Variants in PABPC4L observed in about 807,000 individuals in gnomAD.
The protein encoded by PABPC4L is poly(A) binding protein cytoplasmic 4 like.
For synonymous variants in PABPC4L, 169 were observed against 164.1 expected (o/e 1.03, Z -0.23); for missense variants, 452 against 451.4 (o/e 1.00, Z -0.01).
the PABPC4L span, among the ~76,000 whole-genome samples, chr4:134,185,130 T>C: frequency 6.6e-6 from 1 of 152,046 alleles, no homozygotes; most frequent in Non-Finnish European, 1.5e-5. Flanking sequence ...GACAATATAT[T>C]TTGTCAAGCA....
the PABPC4L span, among the ~76,000 whole-genome samples, chr4:134,002,375 T>C: frequency 6.6e-6 from 1 of 151,898 alleles, no homozygotes; most frequent in Non-Finnish European, 1.5e-5. Context: ...ATCATTTTTA[T>C]CTTCAAGCAT....
At chr4:133,966,344 T>C in the PABPC4L span, among the ~76,000 whole-genome samples, 6 of 152,150 alleles carry the variant, frequency 3.9e-5, no homozygotes, top group Non-Finnish European at 7.4e-5. Flanking sequence ...GGAACACTTC[T>C]ACACTGTTCA....
At chr4:134,112,841 T>G in the PABPC4L span, among the ~76,000 whole-genome samples, 1 of 151,894 alleles carries the variant, frequency 6.6e-6, no homozygotes, top group Non-Finnish European at 1.5e-5. Context: ...GGGAGGTTCT[T>G]TAGGAGATGT....
At chr4:134,185,688 G>A in the PABPC4L span, among the ~76,000 whole-genome samples, 1 of 152,072 alleles carries the variant, frequency 6.6e-6, no homozygotes, top group Admixed American at 6.6e-5. Context: ...TCTGGCCAGG[G>A]CAATCAGGCA....
At chr4:134,132,886 T>C in the PABPC4L span, among the ~76,000 whole-genome samples, 1 of 146,864 alleles carries the variant, frequency 6.8e-6, no homozygotes, top group Admixed American at 7.0e-5. Flanking sequence ...TATATAAATG[T>C]ATTAAAATAT....
chr4:134,095,597 G>C, the PABPC4L span, among the ~76,000 whole-genome samples: 1 of 151,828 alleles, frequency 6.6e-6, no homozygotes, highest in Non-Finnish European at 1.5e-5. Context: ...ATTCAAATCT[G>C]CAACTTCTAA....
the PABPC4L span, among the ~76,000 whole-genome samples, chr4:133,956,991 G>A: frequency 6.6e-6 from 1 of 151,994 alleles, no homozygotes; most frequent in African/African-American, 2.4e-5. Flanking sequence ...ATGTGATTTG[G>A]GTGGGGACAC....
chr4:134,147,445 T>C, the PABPC4L span, among the ~76,000 whole-genome samples: 6 of 152,152 alleles, frequency 3.9e-5, no homozygotes, highest in Non-Finnish European at 5.9e-5. Flanking sequence ...ACTATTTTGC[T>C]AATATTTATT....
the PABPC4L span, among the ~76,000 whole-genome samples, chr4:133,994,177 GA>G: frequency 1.6e-3 from 238 of 152,208 alleles, no homozygotes; most frequent in Non-Finnish European, 1.9e-3. Flanking sequence ...GACCTTTTGG[GA>G]ATGACGAAAA....
At chr4:133,973,412 A>G in the PABPC4L span, among the ~76,000 whole-genome samples, 1 of 152,166 alleles carries the variant, frequency 6.6e-6, no homozygotes, top group Non-Finnish European at 1.5e-5. Context: ...GAACTCTGGA[A>G]AACAGCTAAA....
the PABPC4L span, among the ~76,000 whole-genome samples, chr4:133,986,127 C>A: frequency 6.6e-6 from 1 of 152,030 alleles, no homozygotes; most frequent in African/African-American, 2.4e-5. Flanking sequence ...AAACACAACA[C>A]TTTTAAGTTT....
At chr4:133,999,704 A>G in the PABPC4L span, among the ~76,000 whole-genome samples, 1 of 152,038 alleles carries the variant, frequency 6.6e-6, no homozygotes, top group Non-Finnish European at 1.5e-5. Flanking sequence ...CCATGGGAGT[A>G]CAGGAAAATA....
the PABPC4L span, among the ~76,000 whole-genome samples, chr4:134,064,202 T>C: frequency 6.6e-6 from 1 of 152,038 alleles, no homozygotes; most frequent in Non-Finnish European, 1.5e-5. Flanking sequence ...AGATTAGAAG[T>C]TGCCCTTGTT....
At chr4:134,087,555 A>C in the PABPC4L span, among the ~76,000 whole-genome samples, 1 of 152,122 alleles carries the variant, frequency 6.6e-6, no homozygotes, top group African/African-American at 2.4e-5. Context: ...TGTGCTGCAG[A>C]CCAGTGCAAT....
At chr4:134,062,426 C>G in the PABPC4L span, among the ~76,000 whole-genome samples, 1 of 152,012 alleles carries the variant, frequency 6.6e-6, no homozygotes, top group East Asian at 1.9e-4. Flanking sequence ...CCTGCACAAT[C>G]CTTCTTTTGC....
the PABPC4L span, among the ~76,000 whole-genome samples, chr4:134,118,916 A>G: frequency 6.6e-6 from 1 of 151,812 alleles, no homozygotes; most frequent in African/African-American, 2.4e-5. Flanking sequence ...AAAGCAAATT[A>G]TTGGCATCTC....
At chr4:134,177,412 G>A in the PABPC4L span, among the ~76,000 whole-genome samples, 128 of 152,046 alleles carry the variant, frequency 8.4e-4, 1 homozygote, top group Middle Eastern at 3.4e-3. Context: ...TTGAACTTGC[G>A]ATCCGCCCAC....
At chr4:134,006,514 C>G in the PABPC4L span, among the ~76,000 whole-genome samples, 1 of 152,000 alleles carries the variant, frequency 6.6e-6, no homozygotes, top group East Asian at 1.9e-4. Flanking sequence ...GTGGGCAGCC[C>G]AGCTACTTTT....
At chr4:134,146,202 A>G in the PABPC4L span, among the ~76,000 whole-genome samples, 2,040 of 152,086 alleles carry the variant, frequency 0.013, 24 homozygotes, top group Non-Finnish European at 0.021. Context: ...TACTAAATTT[A>G]TTAGCAAAAT....
Sources: allele counts gnomAD v4.1 joint callset (sites outside exome capture counted in the v4.1 genomes callset), GRCh38; gene constraint gnomAD v4.1.1; transcripts MANE v1.5; gene names NCBI Gene and HGNC (gene_info 2026-07-23, HGNC 2026-07-21).